The following ALPK1 variants were observed in gnomAD, a reference collection of about 807,000 sequenced individuals.
The protein encoded by ALPK1 is alpha-protein kinase 1.
A neutral mutation model predicts 120.6 loss-of-function variants in ALPK1; 110 were observed. The ratio of observed to expected loss-of-function variants is 0.91; its 90% confidence interval spans 0.78 to 1.07. ALPK1 has a LOEUF of 1.07. Ranked by LOEUF, ALPK1 falls within the 50% of genes least tolerant of loss-of-function variation. The probability of loss-of-function intolerance (pLI) is 0.00; values close to 1 mark genes in which losing one functional copy is unlikely to be tolerated. For synonymous variants in ALPK1, 582 were observed against 560.3 expected (o/e 1.04, Z -0.55); for missense variants, 1,498 against 1,483.9 (o/e 1.01, Z -0.16).
chr4:112,302,170 C>T (rs1560627473), intron 1 of ALPK1, among the ~76,000 whole-genome samples: 1 of 152,138 alleles, frequency 6.6e-6, no homozygotes, highest in Non-Finnish European at 1.5e-5. Flanking sequence ...CTCATTTCTC[C>T]CAGTCACCAT....
Position 112,440,970 on chromosome 4 carries a change from C to A in ALPK1, c.3592C>A (p.His1198Asn). Residue 1198 changes from histidine to asparagine, a missense_variant, in exon 15 of 16, where the codon CAC becomes AAC. His to Asn is a moderately conservative substitution (Grantham distance 68). Coordinates refer to ENST00000650871, the MANE Select transcript of ALPK1 (RefSeq NM_025144.4). Reference sequence around the variant, plus strand: ...CATCTACCTCACAGATCCCCAGATTCACTCCGTTGATCAGAAAGTTTTCAC... The same window carrying A: ...CATCTACCTCACAGATCCCCAGATTAACTCCGTTGATCAGAAAGTTTTCAC... ...GLIYLTDPQI[H>N]SVDQKVFTTN... 6.2e-7 allele frequency: 1 copy of A among 1,613,870 alleles called. No homozygotes were observed.
intron 2 of ALPK1, among the ~76,000 whole-genome samples, chr4:112,351,749 C>A (rs1730366765): frequency 6.6e-6 from 1 of 152,210 alleles, no homozygotes; most frequent in Non-Finnish European, 1.5e-5. Context: ...GTTGGGATTA[C>A]AGATGTGAGC....
Position 112,318,559 on chromosome 4 carries a change from T to A in ALPK1, c.-101+2707T>A, listed in dbSNP as rs145109062. On this transcript the variant is annotated intron_variant, in intron 2 of 15. Transcript: ENST00000650871. ...AAGACTGGAGTATATGCAACTACCA[T>A]GACAGCAATTAATTCTGCCATATTA... Among the ~76,000 whole-genome samples, 42 of 152,348 alleles carry A rather than the reference T, an allele frequency of 2.8e-4. No homozygotes were observed. The East Asian group carries it at 6.4e-3, about 23-fold the overall frequency.
chr4:112,375,945 T>A (rs1277057112), intron 2 of ALPK1, among the ~76,000 whole-genome samples: 1 of 152,122 alleles, frequency 6.6e-6, no homozygotes, highest in African/African-American at 2.4e-5. Flanking sequence ...CTAATTTTAA[T>A]ATTTTTGTGT....
chr4:112,414,861 A>C (rs1413765646), intron 5 of ALPK1: 1 of 152,504 alleles, frequency 6.6e-6, no homozygotes, highest in African/African-American at 2.4e-5. Context: ...TACGACACAT[A>C]GCCAAAGGAA....
Position 112,423,993 on chromosome 4 carries a change from T to C in ALPK1, c.525T>C (p.Asn175=). 3.1e-6 allele frequency: 5 copies of C among 1,613,882 alleles called. No individual in the cohort carries two copies. Among genetic ancestry groups the C allele is most frequent in the Non-Finnish European group, 3.4e-6 (4 of 1,179,980 alleles). The change falls in exon 6 of 16, where the codon AAT becomes AAC. Residue 175 remains asparagine, a synonymous_variant. Transcript: ENST00000650871. ...TTCTGAGCAGTCTAATAAGCAACAATGGAGCAACGGGTGAGTACTTTCATA... is the reference window on the plus strand; with the variant it reads ...TTCTGAGCAGTCTAATAAGCAACAACGGAGCAACGGGTGAGTACTTTCATA... The part of the protein sequence containing the change: ...EYILSSLISN[N]GATGTWLYRN...
At chr4:112,320,804 A>T (rs1728834735) in intron 2 of ALPK1, among the ~76,000 whole-genome samples, 2 of 151,808 alleles carry the variant, frequency 1.3e-5, no homozygotes, top group African/African-American at 4.8e-5. Context: ...AATCTCCTCT[A>T]GGTCTTCTAG....
At chr4:112,367,956 C>T (rs1731231697) in intron 2 of ALPK1, among the ~76,000 whole-genome samples, 1 of 152,144 alleles carries the variant, frequency 6.6e-6, no homozygotes, top group African/African-American at 2.4e-5. Context: ...GGCTGGAGTG[C>T]AGTGGCATGA....
rs530464174 is a variant in ALPK1 at position 112,402,097 on chromosome 4, A to G, written c.277-9730A>G. Among the ~76,000 whole-genome samples the G allele has an allele frequency of 7.9e-5, 12 of 152,328 alleles. No individual in the cohort carries two copies. In the South Asian group the frequency reaches 2.3e-3, roughly 29 times the overall value. Reference sequence around the variant, plus strand: ...TTGATGGATAACTATGCAGGCGTCAATCACTTTTCGTGTGTTTATTCTGCT... The same window carrying G: ...TTGATGGATAACTATGCAGGCGTCAGTCACTTTTCGTGTGTTTATTCTGCT... On this transcript the variant is annotated intron_variant, in intron 4 of 15. Coordinates refer to ENST00000650871, the MANE Select transcript of ALPK1 (RefSeq NM_025144.4).
At chr4:112,412,306 C>G (rs756247161) in intron 5 of ALPK1, 19 of 590,350 alleles carry the variant, frequency 3.2e-5, no homozygotes, top group Non-Finnish European at 5.7e-5. Flanking sequence ...CAAATCTGTC[C>G]TGCTGCTTTC....
chr4:112,430,749 G>A lies in ALPK1; in HGVS notation c.1202G>A (p.Arg401Lys). ...NFSTSSRSQDREALSQEVMSV... is the reference protein window; with the variant it reads ...NFSTSSRSQDKEALSQEVMSV... The stretch of plus-strand genomic sequence containing the variant: ...AGCACTTCCTCCAGAAGTCAGGACA[G>A]AGAAGCTCTGTCTCAAGAAGTTATG... Residue 401 changes from arginine to lysine, a missense_variant, in exon 11 of 16, where the codon AGA becomes AAA. By Grantham distance (26) the Arg-to-Lys change is conservative. Transcript: ENST00000650871. 2 of 1,614,262 alleles carry A rather than the reference G, an allele frequency of 1.2e-6. No individual in the cohort carries two copies. The highest frequency in any genetic ancestry group is 1.7e-6 in the Non-Finnish European group (2 of 1,180,050).
chr4:112,427,581 G>C lies in ALPK1; in HGVS notation c.711G>C (p.Thr237=). The C allele has an allele frequency of 6.2e-7, 1 of 1,613,822 alleles. No individual in the cohort carries two copies. Among genetic ancestry groups the C allele is most frequent in the Middle Eastern group, 1.6e-4 (1 of 6,062 alleles). ...LPQPDKKGLS[T]SLGILADIFV... is the part of the protein sequence containing the mutation. ...TGTTTTTCTTACAGGGCCTCTCCAC[G>C]TCGCTAGGTATACTGGCAGACATCT... Residue 237 remains threonine (T), a synonymous_variant, in exon 9 of 16, where the codon ACG becomes ACC. Transcript: ENST00000650871.
intron 2 of ALPK1, chr4:112,358,696 A>T (rs1271529953): frequency 1.3e-6 from 1 of 745,680 alleles, no homozygotes; most frequent in Non-Finnish European, 2.5e-6. Flanking sequence ...CTGGCAGAGG[A>T]GCCGCAAGGA....
At chr4:112,324,958 T>C (rs1729042160) in intron 2 of ALPK1, among the ~76,000 whole-genome samples, 1 of 101,208 alleles carries the variant, frequency 9.9e-6, no homozygotes, top group Admixed American at 1.4e-4. Context: ...GGAGAGTCAC[T>C]GAGGAACCAA....
At chr4:112,328,557 A>T (rs79243150) in intron 2 of ALPK1, among the ~76,000 whole-genome samples, 2,747 of 152,312 alleles carry the variant, frequency 0.018, 86 homozygotes, top group African/African-American at 0.063. Context: ...ACCAATTACC[A>T]TCCTTTATTG....
At chr4:112,316,678 G>A (rs1165631435) in intron 2 of ALPK1, among the ~76,000 whole-genome samples, 2 of 152,276 alleles carry the variant, frequency 1.3e-5, no homozygotes, top group Admixed American at 1.3e-4. Context: ...ATGGGTGTGA[G>A]GTAGTGTCTC....
In ALPK1 at chr4:112,439,917, A is replaced by AATGTG. The variant is rs139073914; in HGVS notation, c.3538+47_3538+51dup. 5,571 of 1,472,272 alleles carry AATGTG rather than the reference A, an allele frequency of 3.8e-3. 145 individuals carry two copies. In the East Asian group the frequency reaches 0.071, roughly 19 times the overall value. 91.2% of individuals were successfully genotyped at this position (1,472,272 alleles called of 1,614,324 possible). ...ATTTTTATTTTTAATATTATATGTA[A>AATGTG]ATGTGAAGTTTTGTAACTAGCTTCC... On this transcript the variant is annotated intron_variant, in intron 14 of 15. Coordinates refer to ENST00000650871, the MANE Select transcript of ALPK1 (RefSeq NM_025144.4).
intron 3 of ALPK1, among the ~76,000 whole-genome samples, chr4:112,378,901 C>T (rs1011119889): frequency 2.0e-5 from 3 of 152,226 alleles, no homozygotes; most frequent in Non-Finnish European, 4.4e-5. Flanking sequence ...AAATCCCCTA[C>T]GTCCAGTCAT....
intron 2 of ALPK1, among the ~76,000 whole-genome samples, chr4:112,329,354 A>G (rs1729259792): frequency 6.6e-6 from 1 of 152,244 alleles, no homozygotes; most frequent in Non-Finnish European, 1.5e-5. Flanking sequence ...AGACTGACTT[A>G]TAACTGAAAT....
Sources: allele counts gnomAD v4.1 joint callset (sites outside exome capture counted in the v4.1 genomes callset), GRCh38; gene constraint gnomAD v4.1.1; transcripts MANE v1.5; gene names NCBI Gene and HGNC (gene_info 2026-07-23, HGNC 2026-07-21).